Variants in PHACTR1 observed in about 807,000 individuals in gnomAD.
The protein encoded by PHACTR1 is RPEL repeat containing 1.
Under a neutral mutation model 69.2 loss-of-function variants are expected in PHACTR1, and 16 were observed. The ratio of observed to expected loss-of-function variants is 0.23; its 90% CI spans 0.16 to 0.35. PHACTR1 has a LOEUF of 0.35. Among genes scored for constraint, PHACTR1 ranks in the 10% least tolerant of loss-of-function variants. PHACTR1 has a pLI of 1.00. For missense variants in PHACTR1, 510 were observed against 734.7 expected (o/e 0.69, Z 3.54); for synonymous variants, 312 against 284.5 (o/e 1.10, Z -0.97).
intron 4 of PHACTR1, among the ~76,000 whole-genome samples, chr6:12,860,883 A>C (rs1015133335): frequency 2.0e-5 from 3 of 152,080 alleles, no homozygotes; most frequent in African/African-American, 4.8e-5. Flanking sequence ...TGACAATTAC[A>C]AAATTCATTG....
At chr6:12,884,950 G>C (rs1188850089) in intron 4 of PHACTR1, among the ~76,000 whole-genome samples, 4 of 152,180 alleles carry the variant, frequency 2.6e-5, no homozygotes, top group Non-Finnish European at 4.4e-5. Flanking sequence ...GGAACCAGTG[G>C]AGTTTTCTCG....
chr6:13,193,477 C>T (rs1763913539), intron 7 of PHACTR1, among the ~76,000 whole-genome samples: 1 of 149,306 alleles, frequency 6.7e-6, no homozygotes, highest in Non-Finnish European at 1.5e-5. Context: ...TCCTCAAATT[C>T]CTGGGCTCAA....
At chr6:13,087,382 C>G (rs1448758602) in intron 5 of PHACTR1, among the ~76,000 whole-genome samples, 1 of 151,184 alleles carries the variant, frequency 6.6e-6, no homozygotes. Flanking sequence ...AACCATGATA[C>G]CAAAGCACAT....
At chr6:13,223,876 T>C (rs1452841112) in intron 8 of PHACTR1, among the ~76,000 whole-genome samples, 1 of 152,168 alleles carries the variant, frequency 6.6e-6, no homozygotes, top group African/African-American at 2.4e-5. Context: ...CCTTCAACTC[T>C]TTCAGTTATT....
chr6:12,793,755 C>G (rs1304374841), intron 4 of PHACTR1, among the ~76,000 whole-genome samples: 1 of 152,172 alleles, frequency 6.6e-6, no homozygotes, highest in Non-Finnish European at 1.5e-5. Context: ...TGGTCTGAAT[C>G]AGCCTTTTGA....
rs564326664 is a variant in PHACTR1, at chr6:13,250,294, G to T, written c.1391+20101G>T. Among the ~76,000 whole-genome samples the T allele has an allele frequency of 2.7e-4, 41 of 152,292 alleles. 1 individual carries two copies. The South Asian group carries it at 6.4e-3, about 24-fold the overall frequency. On this transcript the variant is annotated intron_variant, in intron 10 of 14. Transcript: ENST00000332995. ...GCCCGAAATATCTCCATTAGAGAAA[G>T]AAACTAAATTCATCCTCACACACAT...
At chr6:13,048,522 T>TGTG (rs1805430823) in intron 4 of PHACTR1, among the ~76,000 whole-genome samples, 1 of 142,882 alleles carries the variant, frequency 7.0e-6, no homozygotes, top group Admixed American at 6.9e-5. Flanking sequence ...TTCCATTTCT[T>TGTG]TGTGTGTGTG....
At chr6:12,850,952 A>T (rs538211669) in intron 4 of PHACTR1, among the ~76,000 whole-genome samples, 1 of 152,328 alleles carries the variant, frequency 6.6e-6, no homozygotes, top group African/African-American at 2.4e-5. Flanking sequence ...AAGGTACGGG[A>T]ATTCAGGACT....
At chr6:13,085,177 A>G (rs1812072771) in intron 5 of PHACTR1, among the ~76,000 whole-genome samples, 1 of 151,904 alleles carries the variant, frequency 6.6e-6, no homozygotes, top group Non-Finnish European at 1.5e-5. Flanking sequence ...GGAGATCTAA[A>G]CCTAAATTTA....
intron 4 of PHACTR1, among the ~76,000 whole-genome samples, chr6:12,756,770 T>C (rs989262244): frequency 6.6e-5 from 10 of 152,240 alleles, no homozygotes; most frequent in African/African-American, 2.4e-4. Context: ...TTTATCAATA[T>C]GTTCATTTGC....
At chr6:12,725,608 C>T (rs951668336) in intron 3 of PHACTR1, among the ~76,000 whole-genome samples, 3 of 152,206 alleles carry the variant, frequency 2.0e-5, no homozygotes, top group African/African-American at 7.2e-5. Flanking sequence ...AATGCTAGCT[C>T]TGAATCCGCA....
intron 4 of PHACTR1, among the ~76,000 whole-genome samples, chr6:13,035,561 T>A (rs910733966): frequency 6.6e-6 from 1 of 152,218 alleles, no homozygotes; most frequent in African/African-American, 2.4e-5. Flanking sequence ...AGGCAAAATT[T>A]ATTATACTTA....
intron 4 of PHACTR1, chr6:12,933,897 A>T: frequency 6.2e-7 from 1 of 1,612,158 alleles, no homozygotes; most frequent in Admixed American, 1.7e-5. Flanking sequence ...GGCTGAGAGG[A>T]CATTTACTCT....
intron 7 of PHACTR1, among the ~76,000 whole-genome samples, chr6:13,195,585 CCATCTCT>C (rs1263954040): frequency 2.6e-5 from 4 of 151,658 alleles, no homozygotes; most frequent in Non-Finnish European, 5.9e-5. Context: ...GGTGAAACCC[CCATCTCT>C]ACTGAAACTA....
At chr6:12,991,321 TG>T (rs1796797128) in intron 4 of PHACTR1, among the ~76,000 whole-genome samples, 1 of 152,172 alleles carries the variant, frequency 6.6e-6, no homozygotes, top group Non-Finnish European at 1.5e-5. Flanking sequence ...GGGGTGGCCC[TG>T]GTTTGCAGGG....
chr6:12,735,862 G>T (rs1292402316), intron 3 of PHACTR1, among the ~76,000 whole-genome samples: 7 of 152,134 alleles, frequency 4.6e-5, no homozygotes, highest in Admixed American at 1.3e-4. Context: ...CAACATTAAA[G>T]ACCTAAGTTG....
intron 4 of PHACTR1, among the ~76,000 whole-genome samples, chr6:12,887,658 G>A (rs1158189814): frequency 6.6e-6 from 1 of 152,086 alleles, no homozygotes; most frequent in Admixed American, 6.5e-5. Flanking sequence ...TATGTGCCAG[G>A]CATTACTCTA....
chr6:12,753,732 C>A (rs1290601780), intron 4 of PHACTR1, among the ~76,000 whole-genome samples: 1 of 152,030 alleles, frequency 6.6e-6, no homozygotes, highest in Non-Finnish European at 1.5e-5. Context: ...CCCTTTCAGG[C>A]CCAGAGGACA....
chr6:13,059,222 A>G (rs1292917458), intron 5 of PHACTR1, among the ~76,000 whole-genome samples: 1 of 152,132 alleles, frequency 6.6e-6, no homozygotes, highest in African/African-American at 2.4e-5. Context: ...CATACCGGGT[A>G]CAGATGGACA....
Sources: gnomAD v4.1 joint callset for allele counts (sites outside exome capture counted in the v4.1 genomes callset) on GRCh38, gnomAD v4.1.1 for gene constraint, MANE v1.5 for transcripts, NCBI Gene and HGNC (gene_info 2026-07-23, HGNC 2026-07-21) for gene names.